PEPD: variants seen among roughly 807,000 people sequenced by gnomAD.
PEPD encodes the protein xaa-Pro dipeptidase.
Under a neutral mutation model 60.7 loss-of-function variants are expected in PEPD, and 53 were observed. The observed-to-expected ratio is 0.87, with a 90% CI of 0.70 to 1.10. The LOEUF (loss-of-function observed/expected upper bound fraction) is 1.10, where lower values mean the gene tolerates loss of function less well. Ranked by LOEUF, PEPD falls within the 50% of genes least tolerant of loss-of-function variation. PEPD has a pLI of 0.00. For missense variants in PEPD, 711 were observed against 711.9 expected, an observed-to-expected ratio of 1.00 and a Z score of 0.01; for synonymous variants, 267 against 284.1, an observed-to-expected ratio of 0.94 and a Z score of 0.60.
intron 9 of PEPD, among the ~76,000 whole-genome samples, chr19:33,415,459 G>C (rs1444994142): frequency 6.6e-6 from 1 of 152,144 alleles, no homozygotes; most frequent in African/African-American, 2.4e-5. Flanking sequence ...ACTGCTTGAG[G>C]CCGGGAGTTC....
intron 4 of PEPD, among the ~76,000 whole-genome samples, chr19:33,494,962 A>C (rs576233669): frequency 6.6e-6 from 1 of 152,132 alleles, no homozygotes; most frequent in South Asian, 2.1e-4. Context: ...GTGAAACCCC[A>C]TCTCTATTAA....
chr19:33,405,819 G>A (rs757518089), intron 11 of PEPD, among the ~76,000 whole-genome samples: 11 of 152,332 alleles, frequency 7.2e-5, no homozygotes, highest in South Asian at 2.1e-4. Flanking sequence ...TTCGTGTGAC[G>A]GCCACTCCTC....
chr19:33,505,972 C>T (rs1254999953), intron 3 of PEPD, among the ~76,000 whole-genome samples: 1 of 148,946 alleles, frequency 6.7e-6, no homozygotes, highest in East Asian at 2.0e-4. Flanking sequence ...CACACCCACA[C>T]CCCATCACAA....
intron 1 of PEPD, among the ~76,000 whole-genome samples, chr19:33,515,483 GAC>G (rs1325773695): frequency 6.6e-6 from 1 of 152,074 alleles, no homozygotes; most frequent in Admixed American, 6.5e-5. Context: ...TCGTAAACAT[GAC>G]CACATCCCAG....
intron 9 of PEPD, among the ~76,000 whole-genome samples, chr19:33,448,941 T>C (rs1051519969): frequency 6.6e-6 from 1 of 152,148 alleles, no homozygotes; most frequent in Non-Finnish European, 1.5e-5. Context: ...AGGCCACCAG[T>C]ATATAAACTC....
At chr19:33,468,767 GGA>G (rs1970066960) in intron 7 of PEPD, among the ~76,000 whole-genome samples, 1 of 152,178 alleles carries the variant, frequency 6.6e-6, no homozygotes, top group South Asian at 2.1e-4. Context: ...ACAAGCCCAG[GGA>G]GACTTTCTCG....
chr19:33,478,354 A>G (rs534909361), intron 6 of PEPD, among the ~76,000 whole-genome samples: 2 of 152,350 alleles, frequency 1.3e-5, no homozygotes, highest in South Asian at 4.1e-4. Context: ...GGCAGACAGC[A>G]TAGTCTCTTG....
chr19:33,418,451 C>G (rs1301862906), intron 9 of PEPD, among the ~76,000 whole-genome samples: 5 of 152,236 alleles, frequency 3.3e-5, no homozygotes, highest in African/African-American at 1.2e-4. Flanking sequence ...CAGTGGAGCC[C>G]TGGCATAGCT....
intron 11 of PEPD, among the ~76,000 whole-genome samples, chr19:33,405,211 C>T (rs1001295513): frequency 1.3e-5 from 2 of 152,202 alleles, no homozygotes; most frequent in African/African-American, 4.8e-5. Context: ...ACTGGCCCAC[C>T]CAGACCCTCC....
intron 7 of PEPD, among the ~76,000 whole-genome samples, chr19:33,471,390 C>G (rs1453793704): frequency 6.6e-6 from 1 of 152,196 alleles, no homozygotes; most frequent in Non-Finnish European, 1.5e-5. Flanking sequence ...TAGAAAAGAA[C>G]AGGATTTTCC....
chr19:33,387,636 G>T, intron 14 of PEPD, 155 bp from the exon 15 acceptor site: 1 of 975,160 alleles, frequency 1.0e-6, no homozygotes, highest in Non-Finnish European at 1.6e-6. Context: ...GGAGCCATCT[G>T]CCCATGTCAC....
At chr19:33,452,378 T>A (rs1196311631) in intron 9 of PEPD, among the ~76,000 whole-genome samples, 3 of 152,090 alleles carry the variant, frequency 2.0e-5, no homozygotes, top group Non-Finnish European at 4.4e-5. Context: ...AAACTAAGAT[T>A]CAACTAAACA....
chr19:33,401,637 A>T, intron 12 of PEPD, 84 bp downstream of exon 12: 1 of 1,273,874 alleles, frequency 7.9e-7, no homozygotes, highest in Non-Finnish European at 1.1e-6. Flanking sequence ...CACAATGCAG[A>T]CCCGTTCCCT....
At chr19:33,514,204 G>C (rs1402655617) in intron 1 of PEPD, among the ~76,000 whole-genome samples, 1 of 152,158 alleles carries the variant, frequency 6.6e-6, no homozygotes, top group African/African-American at 2.4e-5. Context: ...TCCAGCCAGG[G>C]GGCAGTGGGT....
At chr19:33,447,986 A>C (rs73588301) in intron 9 of PEPD, among the ~76,000 whole-genome samples, 1 of 152,192 alleles carries the variant, frequency 6.6e-6, no homozygotes, top group African/African-American at 2.4e-5. Flanking sequence ...AGGAGCCTCA[A>C]CTTTGGTTTT....
At chr19:33,514,391 C>T (rs914083248) in intron 1 of PEPD, among the ~76,000 whole-genome samples, 1 of 152,040 alleles carries the variant, frequency 6.6e-6, no homozygotes, top group African/African-American at 2.4e-5. Context: ...GACCCTCCTG[C>T]CAGGGTCACA....
chr19:33,464,094 A>G, intron 7 of PEPD, 32 bp from the exon 8 acceptor site: 2 of 1,535,276 alleles, frequency 1.3e-6, no homozygotes, highest in Non-Finnish European at 1.8e-6. Flanking sequence ...GCAGCAAATC[A>G]GTGACTTTCA....
intron 9 of PEPD, among the ~76,000 whole-genome samples, chr19:33,421,932 T>C (rs1476092283): frequency 6.6e-6 from 1 of 152,078 alleles, no homozygotes; most frequent in African/African-American, 2.4e-5. Context: ...TGAATGGTGA[T>C]GGTGGTCTGG....
In PEPD at chr19:33,484,796, T is replaced by C. The variant is rs556392972; in HGVS notation, c.503+5200A>G. On this transcript the variant is annotated intron_variant, in intron 6 of 14. Transcript: ENST00000244137. Reference sequence around the variant, plus strand: ...CACACACTCAGACACAAAAATATACTCAGAGAAACACAATCAGACACACAC... The same window carrying C: ...CACACACTCAGACACAAAAATATACCCAGAGAAACACAATCAGACACACAC... 2.0e-5 allele frequency among the ~76,000 whole-genome samples: 3 copies of C among 151,682 alleles called. No individual in the cohort carries two copies. The East Asian group carries it at 5.8e-4, about 29-fold the overall frequency.
Sources: gnomAD v4.1 joint callset for allele counts (sites outside exome capture counted in the v4.1 genomes callset) on GRCh38, gnomAD v4.1.1 for gene constraint, MANE v1.5 for transcripts, NCBI Gene and HGNC (gene_info 2026-07-23, HGNC 2026-07-21) for gene names.